The following ANXA4 variants were observed in gnomAD, a reference collection of about 807,000 sequenced individuals.
ANXA4 encodes the protein 35-beta calcimedin.
A neutral mutation model predicts 49.8 loss-of-function variants in ANXA4; 39 were observed. The ratio of observed to expected loss-of-function variants is 0.78; its 90% CI spans 0.61 to 1.02. The LOEUF is 1.02. ANXA4 is among the 50% of genes least tolerant of loss of function. The probability of loss-of-function intolerance (pLI) is 0.00; values close to 1 mark genes in which losing one functional copy is unlikely to be tolerated. For missense variants in ANXA4, 360 were observed against 410.1 expected (o/e 0.88, Z 1.05); for synonymous variants, 134 against 152.5 (o/e 0.88, Z 0.89).
chr2:69,795,970 C>A (rs1250370959), intron 3 of ANXA4, among the ~76,000 whole-genome samples: 1 of 152,176 alleles, frequency 6.6e-6, no homozygotes, highest in African/African-American at 2.4e-5. Context: ...GAGAGACTGG[C>A]TCCAGTATCC....
intron 2 of ANXA4, among the ~76,000 whole-genome samples, chr2:69,700,774 C>A (rs550421136): frequency 6.6e-6 from 1 of 152,288 alleles, no homozygotes; most frequent in African/African-American, 2.4e-5. Flanking sequence ...GCTGTTACAG[C>A]TATAGAAATG....
intron 2 of ANXA4, among the ~76,000 whole-genome samples, chr2:69,703,935 G>C (rs957797326): frequency 2.0e-5 from 3 of 151,684 alleles, no homozygotes; most frequent in Non-Finnish European, 4.4e-5. Context: ...CCACCCCCCC[G>C]CAGCTTAAAT....
rs745874715 is a variant in ANXA4, at chr2:69,812,644, C to T, written c.478-9C>T. 1 of 1,612,208 alleles carries T rather than the reference C, an allele frequency of 6.2e-7. No homozygotes were observed. The highest frequency in any genetic ancestry group is 8.5e-7 in the Non-Finnish European group (1 of 1,178,724). On this transcript the variant is annotated splice_polypyrimidine_tract_variant and intron_variant, in intron 7 of 12. Coordinates refer to ENST00000394295, the MANE Select transcript of ANXA4 (RefSeq NM_001153.5). ...CGAATTATTTTTTATTTGTTTTTCT[C>T]ATCCTCAGGGTGGGAGGGATGAAGG...
At chr2:69,646,525 G>A (rs982334575) in intron 1 of ANXA4, among the ~76,000 whole-genome samples, 4 of 152,208 alleles carry the variant, frequency 2.6e-5, no homozygotes, top group African/African-American at 4.8e-5. Context: ...TGAACTAGGT[G>A]TGGAAGATGC....
At chr2:69,690,336 T>C (rs1274968448) in intron 2 of ANXA4, among the ~76,000 whole-genome samples, 1 of 152,152 alleles carries the variant, frequency 6.6e-6, no homozygotes, top group Non-Finnish European at 1.5e-5. Context: ...CCTCCTGGGA[T>C]CAAGTGATTC....
chr2:69,825,412 C>T (rs1440378447), intron 12 of ANXA4, 44 bp from the exon 13 acceptor site: 3 of 1,536,690 alleles, frequency 2.0e-6, no homozygotes, highest in Non-Finnish European at 1.8e-6. Context: ...CTGTGTGTTT[C>T]ATTTTAAAAT....
chr2:69,644,172 C>CCCCCCCCCCCCCCCCCCG (rs1675903072), upstream of ANXA4, among the ~76,000 whole-genome samples: 1 of 54,090 alleles, frequency 1.8e-5, no homozygotes, highest in African/African-American at 5.7e-5. Context: ...AGTTCCCCCC[C>CCCCCCCCCCCCCCCCCCG]CCCCCCCCCC....
chr2:69,727,346 G>A (rs1353349914), intron 3 of ANXA4, among the ~76,000 whole-genome samples: 1 of 152,162 alleles, frequency 6.6e-6, no homozygotes, highest in Non-Finnish European at 1.5e-5. Context: ...TCTCAGTGTG[G>A]TTCTACCAAT....
chr2:69,704,977 A>T (rs1678442740), intron 2 of ANXA4, among the ~76,000 whole-genome samples: 1 of 152,174 alleles, frequency 6.6e-6, no homozygotes, highest in Admixed American at 6.5e-5. Context: ...TAGGATTTCC[A>T]AAACATTATT....
At chr2:69,656,313 GTATA>G (rs367863366) in intron 2 of ANXA4, among the ~76,000 whole-genome samples, 1 of 74,182 alleles carries the variant, frequency 1.3e-5, no homozygotes, top group South Asian at 5.5e-4. Flanking sequence ...ATGTATATAT[GTATA>G]TATATGTATA....
intron 1 of ANXA4, among the ~76,000 whole-genome samples, chr2:69,757,260 ATATATATTTTTT>A (rs1168789166): frequency 7.7e-5 from 4 of 51,722 alleles, no homozygotes; most frequent in Admixed American, 3.2e-4. Context: ...ATATATATAT[ATATATATTTTTT>A]TTTTTTTTTT....
chr2:69,733,582 A>C (rs1306117978), intron 3 of ANXA4, among the ~76,000 whole-genome samples: 1 of 151,736 alleles, frequency 6.6e-6, no homozygotes, highest in African/African-American at 2.4e-5. Flanking sequence ...ACTGCACTCC[A>C]GCCTGGGTGA....
At chr2:69,678,103 T>C (rs2105353004) in intron 2 of ANXA4, among the ~76,000 whole-genome samples, 1 of 152,324 alleles carries the variant, frequency 6.6e-6, no homozygotes, top group South Asian at 2.1e-4. Flanking sequence ...ATATTTGCTT[T>C]ATTTCGGCGG....
intron 2 of ANXA4, among the ~76,000 whole-genome samples, chr2:69,697,423 T>C (rs1678193577): frequency 6.6e-6 from 1 of 152,248 alleles, no homozygotes; most frequent in Non-Finnish European, 1.5e-5. Flanking sequence ...TTTGATCTTC[T>C]ATCCAGCTCA....
At chr2:69,694,632 T>TAA (rs1240248685) in intron 2 of ANXA4, among the ~76,000 whole-genome samples, 23 of 150,682 alleles carry the variant, frequency 1.5e-4, no homozygotes, top group Non-Finnish European at 1.5e-5. Context: ...TGTTTGGTTT[T>TAA]TTGTCCTTGC....
intron 2 of ANXA4, among the ~76,000 whole-genome samples, chr2:69,683,348 G>A (rs1395828165): frequency 2.6e-5 from 4 of 152,084 alleles, no homozygotes; most frequent in Non-Finnish European, 4.4e-5. Flanking sequence ...TGCTACATGT[G>A]GGAGCTTCCC....
At chr2:69,762,963 A>G (rs1671358367) in intron 1 of ANXA4, among the ~76,000 whole-genome samples, 1 of 152,156 alleles carries the variant, frequency 6.6e-6, no homozygotes, top group Non-Finnish European at 1.5e-5. Flanking sequence ...TTCTAACATT[A>G]TCTCATGACC....
chr2:69,739,499 G>A (rs1670330043), upstream of ANXA4, among the ~76,000 whole-genome samples: 1 of 151,958 alleles, frequency 6.6e-6, no homozygotes, highest in Admixed American at 6.6e-5. Context: ...TCAAACCCCT[G>A]GGCTCAAGTG....
At chr2:69,709,469 TG>T (rs1678606953) in intron 2 of ANXA4, among the ~76,000 whole-genome samples, 1 of 152,188 alleles carries the variant, frequency 6.6e-6, no homozygotes, top group South Asian at 2.1e-4. Flanking sequence ...GTGTTCTCTT[TG>T]GTCATTGTTT....
Sources: gnomAD v4.1 joint callset for allele counts (sites outside exome capture counted in the v4.1 genomes callset) on GRCh38, gnomAD v4.1.1 for gene constraint, MANE v1.5 for transcripts, NCBI Gene and HGNC (gene_info 2026-07-23, HGNC 2026-07-21) for gene names.